Variants in YAE1 observed in about 807,000 individuals in gnomAD.
YAE1 encodes protein YAE1 homolog.
YAE1 carries 22 observed loss-of-function variants against 23.0 expected under a neutral mutation model. The observed-to-expected ratio is 0.96, with a 90% CI of 0.68 to 1.37. YAE1 has a LOEUF of 1.37. YAE1 is among the 40% of genes most tolerant of loss of function. The pLI, the probability that YAE1 is intolerant of heterozygous loss-of-function variation, is 0.00. For missense variants in YAE1, 260 were observed against 262.1 expected (o/e 0.99, Z 0.06); for synonymous variants, 101 against 97.0 (o/e 1.04, Z -0.24).
intron 2 of YAE1, among the ~76,000 whole-genome samples, chr7:39,603,564 G>T (rs895372477): frequency 6.6e-6 from 1 of 152,152 alleles, no homozygotes; most frequent in African/African-American, 2.4e-5. Context: ...TTAGCCTGGA[G>T]AATGAAACCA....
chr7:39,578,294 C>T (rs186401161), intron 2 of YAE1, among the ~76,000 whole-genome samples: 2 of 152,342 alleles, frequency 1.3e-5, no homozygotes, highest in Admixed American at 6.5e-5. Flanking sequence ...AATAAGCTGT[C>T]TGTAAAACAG....
chr7:39,583,711 A>G (rs191364181), intron 2 of YAE1, among the ~76,000 whole-genome samples: 125 of 152,318 alleles, frequency 8.2e-4, no homozygotes, highest in African/African-American at 2.8e-3. Context: ...AGATCTATAA[A>G]ATGGAGGTAA....
At chr7:39,570,250 T>C (rs1790544950) in intron 1 of YAE1, 10 of 637,196 alleles carry the variant, frequency 1.6e-5, no homozygotes, top group Middle Eastern at 4.4e-4. Context: ...CACTAGGTTT[T>C]TTAAAAACTG....
chr7:39,610,465 C>G, downstream of YAE1: 2 of 427,176 alleles, frequency 4.7e-6, no homozygotes, highest in South Asian at 3.4e-5. Flanking sequence ...ACAGGTATAT[C>G]TTTCTTTTCT....
exon 3 of YAE1, chr7:39,609,618 A>T (rs1489146921): frequency 9.8e-6 from 15 of 1,534,054 alleles, no homozygotes; most frequent in Non-Finnish European, 1.1e-5. Flanking sequence ...TCAAAACAGG[A>T]ACTCAACGGA....
chr7:39,598,996 C>G (rs183792924), intron 2 of YAE1, among the ~76,000 whole-genome samples: 39 of 151,962 alleles, frequency 2.6e-4, no homozygotes, highest in Admixed American at 2.6e-3. Context: ...AATTCTCACT[C>G]TGTTGGGAGG....
chr7:39,572,651 T>C lies in YAE1; in HGVS notation c.626T>C (p.Leu209Ser). Residue 209 changes from leucine to serine, a missense_variant, in exon 3 of 3, where the codon TTA becomes TCA. Leu to Ser is a moderately radical substitution (Grantham distance 145). Transcript: ENST00000223273. Reference protein sequence around the residue: ...PTWILEQTASLVKQLGLSVDV... With the variant: ...PTWILEQTASSVKQLGLSVDV... ...TGGATTTTGGAACAGACAGCCAGTT[T>C]AGTTAAACAGCTGGGCCTATCAGTA... The C allele has an allele frequency of 1.2e-6, 2 of 1,613,466 alleles. No homozygotes were observed. Among genetic ancestry groups the C allele is most frequent in the South Asian group, 1.1e-5 (1 of 90,898 alleles).
chr7:39,586,631 G>A (rs1422298983), intron 2 of YAE1, among the ~76,000 whole-genome samples: 4 of 151,212 alleles, frequency 2.6e-5, no homozygotes, highest in African/African-American at 9.7e-5. Context: ...CCAAGTAGCT[G>A]GGACTACAGG....
At chr7:39,566,721 A>C (rs1790474885) in intron 1 of YAE1, 174 bp downstream of exon 1, 1 of 934,326 alleles carries the variant, frequency 1.1e-6, no homozygotes, top group Admixed American at 3.0e-5. Flanking sequence ...GAAAGCGTGT[A>C]AAACAACAAG....
At chr7:39,584,375 A>C (rs565715928) in intron 2 of YAE1, among the ~76,000 whole-genome samples, 1 of 152,286 alleles carries the variant, frequency 6.6e-6, no homozygotes, top group Admixed American at 6.5e-5. Context: ...CCAGGTCAAT[A>C]GTGCACAAAA....
exon 3 of YAE1, chr7:39,609,855 C>A (rs1417938983): frequency 6.5e-7 from 1 of 1,533,386 alleles, no homozygotes; most frequent in African/African-American, 1.4e-5. Context: ...GAGCCACCGC[C>A]GGCGTTTCAG....
downstream of YAE1, chr7:39,572,956 A>C (rs993899787): frequency 1.0e-6 from 1 of 981,890 alleles, no homozygotes; most frequent in East Asian, 5.5e-5. Flanking sequence ...ACATTTCCAA[A>C]CTTGTGGTCA....
At chr7:39,570,824 A>G in intron 2 of YAE1, 197 bp downstream of exon 2, 1 of 578,204 alleles carries the variant, frequency 1.7e-6, no homozygotes, top group Non-Finnish European at 2.8e-6. Flanking sequence ...TGTGAACTAC[A>G]TATTGTCTTT....
intron 2 of YAE1, among the ~76,000 whole-genome samples, chr7:39,583,393 C>T (rs979942247): frequency 6.6e-6 from 1 of 152,068 alleles, no homozygotes; most frequent in African/African-American, 2.4e-5. Flanking sequence ...ACTCTTAGCC[C>T]AATTGAGTTA....
intron 1 of YAE1, 158 bp from the exon 2 acceptor site, chr7:39,570,348 A>G: frequency 1.2e-6 from 1 of 844,316 alleles, no homozygotes; most frequent in Admixed American, 2.8e-5. Flanking sequence ...ACTTAGGAGA[A>G]GCATAGTCTG....
At chr7:39,570,078 C>G in intron 1 of YAE1, 1 of 1,187,290 alleles carries the variant, frequency 8.4e-7, no homozygotes, top group Middle Eastern at 2.0e-4. Context: ...TCCAGCAGCT[C>G]TCTCCAGTTC....
chr7:39,592,980 C>T (rs923715010), intron 2 of YAE1, among the ~76,000 whole-genome samples: 1 of 152,064 alleles, frequency 6.6e-6, no homozygotes, highest in African/African-American at 2.4e-5. Flanking sequence ...TGCTGTTTAA[C>T]AAGTCACTGG....
In YAE1 at chr7:39,572,854, A is replaced by T. The variant is rs1373090539; in HGVS notation, c.*148A>T. On this transcript the variant is annotated 3_prime_UTR_variant, in exon 3 of 3. Transcript: ENST00000223273. Reference sequence around the variant, plus strand: ...AATTAACACTATTGTCTTCAAAATTAACACTATTAAATGTAATATAAGCCT... The same window carrying T: ...AATTAACACTATTGTCTTCAAAATTTACACTATTAAATGTAATATAAGCCT... The T allele has an allele frequency of 5.9e-6, 8 of 1,359,106 alleles. No individual in the cohort carries two copies. Among genetic ancestry groups the T allele is most frequent in the Non-Finnish European group, 7.6e-6 (8 of 1,057,856 alleles). 84.2% of individuals were successfully genotyped at this position (1,359,106 alleles called of 1,614,324 possible).
intron 1 of YAE1, among the ~76,000 whole-genome samples, chr7:39,568,550 C>G (rs1328148176): frequency 6.6e-6 from 1 of 152,058 alleles, no homozygotes; most frequent in African/African-American, 2.4e-5. Context: ...GATTTAAAAT[C>G]TGAAATGAAT....
Sources: gnomAD v4.1 joint callset for allele counts (sites outside exome capture counted in the v4.1 genomes callset) on GRCh38, gnomAD v4.1.1 for gene constraint, MANE v1.5 for transcripts, NCBI Gene and HGNC (gene_info 2026-07-23, HGNC 2026-07-21) for gene names.